THAP6: variants seen among roughly 807,000 people sequenced by gnomAD.
The protein encoded by THAP6 is THAP domain containing 6.
THAP6 carries 13 observed loss-of-function variants against 20.0 expected under a neutral mutation model. The ratio of observed to expected loss-of-function variants is 0.65; its 90% CI spans 0.42 to 1.03. The LOEUF is 1.03. Ranked by LOEUF, THAP6 falls within the 50% of genes least tolerant of loss-of-function variation. The pLI, the probability that THAP6 is intolerant of heterozygous loss-of-function variation, is 0.00. For missense variants in THAP6, 262 were observed against 261.6 expected, an observed-to-expected ratio of 1.00 and a Z score of -0.01; for synonymous variants, 93 against 92.2, an observed-to-expected ratio of 1.01 and a Z score of -0.05.
chr4:75,531,147 T>G (rs1425058286), downstream of THAP6, among the ~76,000 whole-genome samples: 1 of 152,236 alleles, frequency 6.6e-6, no homozygotes, highest in African/African-American at 2.4e-5. Context: ...TGTGCCAGAC[T>G]GTTTGTACAG....
rs753135309 is a variant in THAP6, at chr4:75,516,901, TTTTGACAGAA to T, written c.211_220del (p.Phe71ValfsTer7). ...GTTCGAGGCACTTTAAGAAGACAGA[TTTTGACAGAA>T]GTGCTCCAAATATTAAACTGAAACC... On this transcript the variant is annotated frameshift_variant, in exon 3 of 5. Coordinates refer to ENST00000311638, the MANE Select transcript of THAP6 (RefSeq NM_144721.6). LOFTEE classifies it high-confidence loss of function. 3 of 1,613,956 alleles carry T rather than the reference TTTTGACAGAA, an allele frequency of 1.9e-6. No homozygotes were observed. In the Admixed American group the frequency reaches 5.0e-5, roughly 27 times the overall value.
Position 75,515,530 on chromosome 4 carries a change from C to G in THAP6, c.78C>G (p.His26Gln). The change falls in exon 2 of 5, where the codon CAC (histidine) becomes CAG (glutamine). Residue 26 changes from histidine to glutamine, a missense_variant and splice_region_variant. Physicochemically the swap from His to Gln is conservative, Grantham distance 24 (BLOSUM62 0). Coordinates refer to ENST00000311638, the MANE Select transcript of THAP6 (RefSeq NM_144721.6). ...PNSKLKGLTF[H>Q]VFPTDENIKR... ...CGAAGTTAAAAGGACTGACATTTCA[C>G]GTGTAAGATTTTGCTGTAGTTAAGC... 6.2e-7 allele frequency: 1 copy of G among 1,613,326 alleles called. No homozygotes were observed. The highest frequency in any genetic ancestry group is 8.5e-7 in the Non-Finnish European group (1 of 1,179,314).
At chr4:75,521,151 G>C (rs1401779173) in intron 3 of THAP6, among the ~76,000 whole-genome samples, 2 of 150,516 alleles carry the variant, frequency 1.3e-5, no homozygotes, top group Non-Finnish European at 3.0e-5. Flanking sequence ...TGAAATTCAG[G>C]CTTTTTTCAA....
In THAP6 at chr4:75,537,917, G is replaced by C. The variant is rs564440081; in HGVS notation, c.166-4492G>C. ...CATCCAGAGGGAATGCAGCCCTGCT[G>C]TCCCATTTTAGATTTTGGACCTCCA... On this transcript the variant is annotated intron_variant, in intron 2 of 4. Coordinates refer to the THAP6 transcript ENST00000502620. Among the ~76,000 whole-genome samples the C allele has an allele frequency of 1.6e-3, 247 of 152,322 alleles. No homozygotes were observed. In the Middle Eastern group the frequency reaches 0.02, roughly 13 times the overall value.
intron 2 of THAP6, 72 bp from the exon 3 acceptor site, chr4:75,516,700 A>G: frequency 7.6e-7 from 1 of 1,314,580 alleles, no homozygotes; most frequent in South Asian, 1.3e-5. Context: ...TCACAGTTGT[A>G]TAAGGCAGCT....
At chr4:75,537,757 G>A (rs1726903919) in intron 2 of THAP6, among the ~76,000 whole-genome samples, 1 of 152,144 alleles carries the variant, frequency 6.6e-6, no homozygotes, top group Non-Finnish European at 1.5e-5. Flanking sequence ...CCTTACAAGA[G>A]ACAGGCAGGA....
chr4:75,547,141 A>G (rs567999984), intron 3 of THAP6, among the ~76,000 whole-genome samples: 7 of 152,308 alleles, frequency 4.6e-5, no homozygotes, highest in South Asian at 2.1e-4. Context: ...ATGCAGGTAC[A>G]GGGGCAGACC....
rs760557301 is a variant in THAP6, at chr4:75,526,968, C to T, written c.423C>T (p.Ser141=). 6.2e-7 allele frequency: 1 copy of T among 1,613,426 alleles called. No homozygotes were observed. Among genetic ancestry groups the T allele is most frequent in the Admixed American group, 1.7e-5 (1 of 59,914 alleles). The change falls in exon 5 of 5, where the codon AGC becomes AGT. Residue 141 remains serine, a synonymous_variant. Transcript: ENST00000311638. ...GGTGTTTATGTTTTTAGGAACATAGCTACAGTGTAATGGACAGTCCAAAGA... is the reference window on the plus strand; with the variant it reads ...GGTGTTTATGTTTTTAGGAACATAGTTACAGTGTAATGGACAGTCCAAAGA... ...EFQSQFIFEH[S]YSVMDSPKKL...
intron 2 of THAP6, among the ~76,000 whole-genome samples, chr4:75,538,412 A>G (rs1302152657): frequency 6.6e-6 from 1 of 151,964 alleles, no homozygotes; most frequent in Non-Finnish European, 1.5e-5. Context: ...GAACATAAGA[A>G]TGTCATTGGA....
intron 2 of THAP6, among the ~76,000 whole-genome samples, chr4:75,537,062 A>G (rs1233998008): frequency 2.0e-5 from 3 of 152,242 alleles, no homozygotes; most frequent in Non-Finnish European, 4.4e-5. Context: ...TTCATATGCA[A>G]AAACTTGCAG....
intron 2 of THAP6, among the ~76,000 whole-genome samples, chr4:75,539,692 G>A (rs945945234): frequency 7.2e-5 from 11 of 152,174 alleles, no homozygotes; most frequent in Admixed American, 2.0e-4. Flanking sequence ...CATTATATAT[G>A]GGAAGTGGGT....
At chr4:75,524,996 G>A (rs1012809666) in intron 4 of THAP6, among the ~76,000 whole-genome samples, 7 of 152,070 alleles carry the variant, frequency 4.6e-5, no homozygotes, top group Admixed American at 2.0e-4. Flanking sequence ...AAGCTCAGGC[G>A]ATCCCCCTGC....
intron 2 of THAP6, among the ~76,000 whole-genome samples, chr4:75,516,342 A>G (rs1560539740): frequency 6.6e-6 from 1 of 152,246 alleles, no homozygotes; most frequent in Non-Finnish European, 1.5e-5. Context: ...TAAATGCTGT[A>G]CTAAGCAATT....
At position 75,528,575 on chromosome 4, in the gene THAP6, A is replaced by G. The variant is rs1174684108; in HGVS notation, c.*1361A>G. The G allele has an allele frequency of 4.1e-6, 4 of 982,662 alleles. No homozygotes were observed. The highest frequency in any genetic ancestry group is 4.8e-6 in the Non-Finnish European group (4 of 827,522). The allele number at this position is 982,662 out of a possible 1,614,324, so 60.9% of individuals were successfully genotyped here. A position where few individuals can be genotyped will look rare whatever the true frequency, so the allele number is the denominator to read the frequency against. On this transcript the variant is annotated 3_prime_UTR_variant, in exon 5 of 5. Coordinates refer to ENST00000311638, the MANE Select transcript of THAP6 (RefSeq NM_144721.6). The stretch of plus-strand genomic sequence containing the variant: ...CATTAATATTAGTTAAGATATGGTC[A>G]CTTGAATTTTTTGTATTTAAGAATT...
chr4:75,536,249 G>A (rs759877233), intron 2 of THAP6, among the ~76,000 whole-genome samples: 2 of 152,194 alleles, frequency 1.3e-5, no homozygotes, highest in Non-Finnish European at 2.9e-5. Context: ...CAGATCACCT[G>A]AGGTCGGGAG....
chr4:75,525,752 T>C (rs1263986287), intron 4 of THAP6, among the ~76,000 whole-genome samples: 1 of 152,234 alleles, frequency 6.6e-6, no homozygotes, highest in African/African-American at 2.4e-5. Context: ...TTAGAAACTG[T>C]TCGACCCTTT....
At chr4:75,520,453 C>A (rs1269558336) in intron 3 of THAP6, among the ~76,000 whole-genome samples, 1 of 152,094 alleles carries the variant, frequency 6.6e-6, no homozygotes, top group Non-Finnish European at 1.5e-5. Flanking sequence ...ATAAGAATTC[C>A]TTTGGTTCCA....
At chr4:75,518,232 C>G (rs1269073387) in intron 3 of THAP6, among the ~76,000 whole-genome samples, 1 of 152,036 alleles carries the variant, frequency 6.6e-6, no homozygotes, top group East Asian at 1.9e-4. Context: ...TACCAACTTT[C>G]AAAAACTATT....
At chr4:75,536,751 G>T (rs1726867325) in intron 2 of THAP6, among the ~76,000 whole-genome samples, 1 of 152,048 alleles carries the variant, frequency 6.6e-6, no homozygotes, top group Non-Finnish European at 1.5e-5. Flanking sequence ...CACGCAGTCT[G>T]CCCACCTCAG....
Sources: gnomAD v4.1 joint callset for allele counts (sites outside exome capture counted in the v4.1 genomes callset) on GRCh38, gnomAD v4.1.1 for gene constraint, MANE v1.5 for transcripts, NCBI Gene and HGNC (gene_info 2026-07-23, HGNC 2026-07-21) for gene names.